AATF: variants seen among roughly 807,000 people sequenced by gnomAD.
AATF encodes protein AATF.
Under a neutral mutation model 63.7 loss-of-function variants are expected in AATF, and 48 were observed. That is an observed-to-expected ratio of 0.75 (90% CI 0.60 to 0.96). The LOEUF (loss-of-function observed/expected upper bound fraction) is 0.96. Ranked by LOEUF, AATF falls within the 40% of genes least tolerant of loss-of-function variation. The probability of loss-of-function intolerance (pLI) is 0.00; values close to 1 mark genes in which losing one functional copy is unlikely to be tolerated. For synonymous variants in AATF, 258 were observed against 247.7 expected (o/e 1.04, Z -0.39); for missense variants, 639 against 685.7 (o/e 0.93, Z 0.76).
At chr17:36,991,506 T>C (rs1567975976) in intron 8 of AATF, among the ~76,000 whole-genome samples, 2 of 152,180 alleles carry the variant, frequency 1.3e-5, no homozygotes, top group Non-Finnish European at 2.9e-5. Flanking sequence ...TGCCAGAGAC[T>C]GTTAAGATAG....
intron 7 of AATF, among the ~76,000 whole-genome samples, chr17:36,990,349 GC>G (rs2071204079): frequency 3.9e-5 from 6 of 152,040 alleles, no homozygotes; most frequent in Non-Finnish European, 8.8e-5. Context: ...CAGAAACACT[GC>G]TACAGGAAAG....
intron 4 of AATF, among the ~76,000 whole-genome samples, chr17:36,955,722 G>A (rs527574203): frequency 6.6e-6 from 1 of 152,248 alleles, no homozygotes; most frequent in African/African-American, 2.4e-5. Context: ...TTAGGGGTTA[G>A]TCAGTGTCCA....
chr17:37,001,122 C>A (rs1463243835), intron 8 of AATF, among the ~76,000 whole-genome samples: 2 of 151,990 alleles, frequency 1.3e-5, no homozygotes, highest in Non-Finnish European at 2.9e-5. Flanking sequence ...AGTTTGAGAC[C>A]AGTCTAGGCA....
chr17:36,995,630 C>T (rs752991298), intron 8 of AATF, among the ~76,000 whole-genome samples: 4 of 152,028 alleles, frequency 2.6e-5, no homozygotes, highest in Admixed American at 6.6e-5. Context: ...TGCAGTGGTG[C>T]GATCTCAGCT....
chr17:36,976,580 G>C (rs547419996), intron 4 of AATF, among the ~76,000 whole-genome samples: 3 of 152,232 alleles, frequency 2.0e-5, no homozygotes, highest in African/African-American at 4.8e-5. Flanking sequence ...GAAGATATTA[G>C]GATGTTATTA....
intron 11 of AATF, among the ~76,000 whole-genome samples, chr17:37,034,056 AC>A (rs1402565542): frequency 6.6e-6 from 1 of 152,140 alleles, no homozygotes; most frequent in African/African-American, 2.4e-5. Context: ...TCCCTTGTGG[AC>A]TGATTCCTAA....
intron 8 of AATF, among the ~76,000 whole-genome samples, chr17:37,006,504 C>G (rs1247867687): frequency 6.6e-6 from 1 of 152,132 alleles, no homozygotes; most frequent in Non-Finnish European, 1.5e-5. Flanking sequence ...GTCACTTAGT[C>G]CTTGTAAAAT....
intron 11 of AATF, among the ~76,000 whole-genome samples, chr17:37,051,695 C>CAT (rs1463610185): frequency 4.3e-5 from 6 of 140,108 alleles, no homozygotes; most frequent in African/African-American, 1.5e-4. Context: ...GACAGACAGA[C>CAT]AGACACACAC....
At chr17:37,009,709 G>C (rs913771822) in intron 8 of AATF, among the ~76,000 whole-genome samples, 134 of 150,038 alleles carry the variant, frequency 8.9e-4, no homozygotes, top group Middle Eastern at 3.4e-3. Context: ...CCCAGCTACT[G>C]GGGAGGCTGA....
At chr17:37,015,994 G>GC (rs1319486066) in intron 8 of AATF, among the ~76,000 whole-genome samples, 1 of 152,164 alleles carries the variant, frequency 6.6e-6, no homozygotes, top group Admixed American at 6.5e-5. Context: ...AATGGAGGAG[G>GC]CCCAAGTGGT....
chr17:37,028,112 A>G (rs970553537), intron 10 of AATF, among the ~76,000 whole-genome samples: 6 of 152,126 alleles, frequency 3.9e-5, no homozygotes, highest in Non-Finnish European at 8.8e-5. Flanking sequence ...GCAATTTCAC[A>G]TCTAAGAGTT....
intron 8 of AATF, among the ~76,000 whole-genome samples, chr17:36,996,274 A>C (rs1462815027): frequency 1.3e-5 from 2 of 152,076 alleles, no homozygotes. Context: ...TCTACAAAAA[A>C]TGCAAAAAAA....
At position 37,028,658 on chromosome 17, in the gene AATF, C is replaced by G. The variant is rs1020115231; in HGVS notation, c.1548-2956C>G. 2.0e-5 allele frequency among the ~76,000 whole-genome samples: 3 copies of G among 151,984 alleles called. No individual in the cohort carries two copies. In the East Asian group the frequency reaches 5.8e-4, roughly 29 times the overall value. ...CATATTAGCTGGGCATGGTGGTACA[C>G]TCCTGTAGTTCCAGCTACTCAGGAG... is the stretch of plus-strand genomic sequence containing the variant. On this transcript the variant is annotated intron_variant, in intron 10 of 11. Transcript: ENST00000619387.
intron 4 of AATF, among the ~76,000 whole-genome samples, chr17:36,976,618 C>G (rs2071081802): frequency 6.6e-6 from 1 of 152,086 alleles, no homozygotes. Context: ...CATTCAATAC[C>G]ATTTGCCAAC....
chr17:36,979,385 C>T (rs776888137), intron 4 of AATF, among the ~76,000 whole-genome samples: 2 of 152,058 alleles, frequency 1.3e-5, no homozygotes, highest in African/African-American at 2.4e-5. Flanking sequence ...TTTAATCAAA[C>T]GTCTTTCTTG....
intron 11 of AATF, among the ~76,000 whole-genome samples, chr17:37,049,744 A>G (rs1461213846): frequency 1.3e-5 from 2 of 152,032 alleles, no homozygotes; most frequent in Admixed American, 6.6e-5. Flanking sequence ...GCTTTATTGG[A>G]GAAGGATCCC....
rs71159679 is a variant in AATF, at chr17:37,022,113, CGTGTGTGTGTGTGTGTGT to C, written c.1547+1121_1547+1138del. Among the ~76,000 whole-genome samples the C allele has an allele frequency of 1.0e-4, 15 of 145,434 alleles. No homozygotes were observed. In the East Asian group the frequency reaches 1.8e-3, roughly 18 times the overall value. On this transcript the variant is annotated intron_variant, in intron 10 of 11. Transcript: ENST00000619387. ...CTATACTTTTAGACTTGGTAACTGC[CGTGTGTGTGTGTGTGTGT>C]GTGTGTGTGTGTGTGTGTGTGAGAA...
chr17:36,977,879 C>G (rs1251997948), intron 4 of AATF, among the ~76,000 whole-genome samples: 1 of 152,120 alleles, frequency 6.6e-6, no homozygotes, highest in Non-Finnish European at 1.5e-5. Context: ...TGGAAGGTAA[C>G]TGTAGTAGAT....
chr17:36,988,271 G>A (rs537786901), intron 5 of AATF, among the ~76,000 whole-genome samples: 41 of 152,132 alleles, frequency 2.7e-4, no homozygotes, highest in African/African-American at 5.1e-4. Flanking sequence ...AGCCAAGATC[G>A]CGCCACTGCA....
Sources: allele counts gnomAD v4.1 joint callset (sites outside exome capture counted in the v4.1 genomes callset), GRCh38; gene constraint gnomAD v4.1.1; transcripts MANE v1.5; gene names NCBI Gene and HGNC (gene_info 2026-07-23, HGNC 2026-07-21).